The following WWOX variants were observed in gnomAD, a reference collection of about 807,000 sequenced individuals.
WWOX encodes WW domain-containing oxidoreductase.
In WWOX, 69 loss-of-function variants were observed where a neutral mutation model predicts 46.2. The ratio of observed to expected loss-of-function variants is 1.49; its 90% CI spans 1.23 to 1.82. WWOX has a LOEUF of 1.82. Among genes scored for constraint, WWOX ranks in the 40% most tolerant of loss-of-function variants. WWOX has a pLI of 0.00. For synonymous variants in WWOX, 359 were observed against 202.6 expected (o/e 1.77, Z -6.56); for missense variants, 919 against 542.6 (o/e 1.69, Z -6.89).
chr16:78,111,731 C>A (rs574145628), intron 3 of WWOX: 2 of 156,168 alleles, frequency 1.3e-5, no homozygotes, highest in South Asian at 3.6e-4. Flanking sequence ...TCATGCTCCT[C>A]CCGTACTCCT....
intron 8 of WWOX, among the ~76,000 whole-genome samples, chr16:78,953,228 C>T (rs1049330398): frequency 4.6e-5 from 7 of 151,812 alleles, no homozygotes; most frequent in Admixed American, 6.6e-5. Flanking sequence ...CTAGACTGAG[C>T]CAAAGATTCT....
chr16:78,127,211 A>G (rs1263173146), intron 4 of WWOX, among the ~76,000 whole-genome samples: 3 of 152,122 alleles, frequency 2.0e-5, no homozygotes, highest in Non-Finnish European at 4.4e-5. Flanking sequence ...CAAAGTTGTT[A>G]AAGATGGGAA....
intron 5 of WWOX, chr16:78,355,898 A>G (rs1448637639): frequency 4.9e-6 from 2 of 405,344 alleles, no homozygotes; most frequent in East Asian, 4.7e-5. Context: ...TAAATGTGCA[A>G]GATATTCAAA....
intron 8 of WWOX, among the ~76,000 whole-genome samples, chr16:79,168,635 A>G (rs2050640867): frequency 6.6e-6 from 1 of 152,166 alleles, no homozygotes; most frequent in Non-Finnish European, 1.5e-5. Context: ...TGCCATCTAC[A>G]CTTGTCGACT....
intron 8 of WWOX, among the ~76,000 whole-genome samples, chr16:78,810,339 C>T (rs2051154196): frequency 6.6e-6 from 1 of 152,220 alleles, no homozygotes; most frequent in African/African-American, 2.4e-5. Context: ...TACCCTGCCT[C>T]ATATGATCAG....
chr16:78,626,697 G>A (rs904707525), intron 8 of WWOX, among the ~76,000 whole-genome samples: 1 of 152,236 alleles, frequency 6.6e-6, no homozygotes, highest in Middle Eastern at 3.4e-3. Flanking sequence ...CATGCTTGTG[G>A]AGTGGGGATT....
intron 4 of WWOX, among the ~76,000 whole-genome samples, chr16:78,145,019 G>T (rs1426333020): frequency 1.3e-5 from 2 of 152,096 alleles, no homozygotes; most frequent in Admixed American, 6.6e-5. Context: ...CTATTAGTTT[G>T]CTAGAGCTGC....
chr16:78,892,601 G>T (rs1357380508), intron 8 of WWOX, among the ~76,000 whole-genome samples: 4 of 152,192 alleles, frequency 2.6e-5, no homozygotes, highest in Non-Finnish European at 5.9e-5. Context: ...TTTTACCTGT[G>T]TTATCTACTG....
chr16:78,121,465 A>T (rs141935867), intron 4 of WWOX, among the ~76,000 whole-genome samples: 1 of 152,206 alleles, frequency 6.6e-6, no homozygotes, highest in Non-Finnish European at 1.5e-5. Flanking sequence ...TTGAGTGTAC[A>T]TGGAAATCAC....
At position 78,450,443 on chromosome 16, in the gene WWOX, G is replaced by A. The variant is rs2083664996; in HGVS notation, c.1056+17691G>A. Among the ~76,000 whole-genome samples, 3 of 152,156 alleles carry A rather than the reference G, an allele frequency of 2.0e-5. No individual in the cohort carries two copies. In the South Asian group the frequency reaches 6.2e-4, roughly 32 times the overall value. ...CAAAACAGGGAATAATAAACAGTCA[G>A]AGTGTCCAAGTAATCTGAGCTAGAA... On this transcript the variant is annotated intron_variant, in intron 8 of 8. Coordinates refer to ENST00000566780, the MANE Select transcript of WWOX (RefSeq NM_016373.4).
intron 8 of WWOX, among the ~76,000 whole-genome samples, chr16:78,691,940 G>A (rs1195370038): frequency 6.6e-6 from 1 of 152,182 alleles, no homozygotes; most frequent in Non-Finnish European, 1.5e-5. Context: ...TCATAATAGT[G>A]AATAAGTCTC....
intron 8 of WWOX, among the ~76,000 whole-genome samples, chr16:79,188,566 C>T (rs899110935): frequency 1.3e-5 from 2 of 152,208 alleles, no homozygotes; most frequent in Non-Finnish European, 2.9e-5. Flanking sequence ...CACCTAATTT[C>T]CACACTTACG....
At chr16:78,646,705 G>T (rs1047601168) in intron 8 of WWOX, among the ~76,000 whole-genome samples, 1 of 152,206 alleles carries the variant, frequency 6.6e-6, no homozygotes, top group Admixed American at 6.5e-5. Context: ...TAGGATTACA[G>T]GCCATTGTGC....
intron 8 of WWOX, among the ~76,000 whole-genome samples, chr16:78,623,709 T>A (rs751106522): frequency 6.8e-6 from 1 of 146,622 alleles, no homozygotes; most frequent in Non-Finnish European, 1.5e-5. Context: ...ACCTCCAGCC[T>A]GGGCAACAGA....
intron 8 of WWOX, among the ~76,000 whole-genome samples, chr16:79,192,504 T>G (rs2051156776): frequency 6.6e-6 from 1 of 152,144 alleles, no homozygotes; most frequent in African/African-American, 2.4e-5. Flanking sequence ...AAGAAATAAT[T>G]TAACAACTGA....
intron 8 of WWOX, among the ~76,000 whole-genome samples, chr16:78,990,905 T>C (rs908166638): frequency 6.6e-6 from 1 of 152,206 alleles, no homozygotes. Flanking sequence ...GAGTGATTTT[T>C]CCCTTAAGAG....
intron 8 of WWOX, among the ~76,000 whole-genome samples, chr16:78,954,411 A>T (rs2046123626): frequency 6.6e-6 from 1 of 152,130 alleles, no homozygotes; most frequent in Non-Finnish European, 1.5e-5. Flanking sequence ...TGCATGGATG[A>T]ATGAGTAGTT....
chr16:78,238,967 G>C (rs576825062), intron 5 of WWOX, among the ~76,000 whole-genome samples: 1 of 151,126 alleles, frequency 6.6e-6, no homozygotes, highest in Non-Finnish European at 1.5e-5. Flanking sequence ...CCAAGGGTTT[G>C]ATGTGCTCTT....
intron 8 of WWOX, among the ~76,000 whole-genome samples, chr16:78,944,497 A>T (rs1384738917): frequency 6.6e-6 from 1 of 152,210 alleles, no homozygotes; most frequent in African/African-American, 2.4e-5. Flanking sequence ...GGTCCTCAAG[A>T]TACAACAACA....
Sources: gnomAD v4.1 joint callset for allele counts (sites outside exome capture counted in the v4.1 genomes callset) on GRCh38, gnomAD v4.1.1 for gene constraint, MANE v1.5 for transcripts, NCBI Gene and HGNC (gene_info 2026-07-23, HGNC 2026-07-21) for gene names.